Variants in METTL24 observed in about 807,000 individuals in gnomAD.
The protein encoded by METTL24 is methyltransferase like 24, also known as probable methyltransferase-like protein 24.
METTL24 carries 29 observed loss-of-function variants against 32.7 expected under a neutral mutation model. That is an observed-to-expected ratio of 0.89 (90% CI 0.66 to 1.21). METTL24 has a LOEUF of 1.21. Ranked by LOEUF, METTL24 falls within the 50% of genes most tolerant of loss-of-function variation. The probability of loss-of-function intolerance (pLI) is 0.00; values close to 1 mark genes in which losing one functional copy is unlikely to be tolerated. For missense variants in METTL24, 439 were observed against 468.1 expected (o/e 0.94, Z 0.57); for synonymous variants, 163 against 179.5 (o/e 0.91, Z 0.73).
intron 1 of METTL24, among the ~76,000 whole-genome samples, chr6:110,348,336 A>T (rs573469490): frequency 5.3e-5 from 8 of 152,374 alleles, no homozygotes; most frequent in Admixed American, 3.9e-4. Flanking sequence ...ATATGAGCCC[A>T]TCTTATAGAT....
At chr6:110,287,016 T>C (rs960207146) in intron 4 of METTL24, among the ~76,000 whole-genome samples, 12 of 152,312 alleles carry the variant, frequency 7.9e-5, no homozygotes, top group African/African-American at 2.9e-4. Flanking sequence ...TATATATATG[T>C]ATCTATTCCA....
intron 4 of METTL24, among the ~76,000 whole-genome samples, chr6:110,255,961 CTAATT>C (rs1194352105): frequency 6.6e-6 from 1 of 152,012 alleles, no homozygotes; most frequent in African/African-American, 2.4e-5. Flanking sequence ...AAAGCAAGCA[CTAATT>C]TAGAGGGACA....
intron 4 of METTL24, among the ~76,000 whole-genome samples, chr6:110,298,474 C>A (rs746040178): frequency 6.6e-6 from 1 of 151,844 alleles, no homozygotes; most frequent in African/African-American, 2.4e-5. Flanking sequence ...AGAGCCTAGA[C>A]GTTCAAAATA....
At chr6:110,272,423 C>T (rs57746368) in intron 4 of METTL24, among the ~76,000 whole-genome samples, 26,531 of 152,004 alleles carry the variant, frequency 0.17, 2,801 homozygotes, top group African/African-American at 0.3. Flanking sequence ...ATTGCGCTGC[C>T]ATAAATGTGT....
chr6:110,357,180 T>C (rs144608268), intron 1 of METTL24, among the ~76,000 whole-genome samples: 1 of 152,306 alleles, frequency 6.6e-6, no homozygotes, highest in African/African-American at 2.4e-5. Context: ...CATTTCCATG[T>C]ACGACGCAAA....
At chr6:110,278,148 C>G (rs1172591230) in intron 4 of METTL24, among the ~76,000 whole-genome samples, 1 of 152,120 alleles carries the variant, frequency 6.6e-6, no homozygotes, top group Non-Finnish European at 1.5e-5. Context: ...TCTTTCAGGC[C>G]AAGGTAATTA....
Position 110,246,160 on chromosome 6 carries a change from TCAAAGA to T in METTL24, c.881_886del (p.Ile294_Glu296delinsLys). 6.2e-7 allele frequency: 1 copy of T among 1,614,176 alleles called. No individual in the cohort carries two copies. The highest frequency in any genetic ancestry group is 8.5e-7 in the Non-Finnish European group (1 of 1,180,034). On this transcript the variant is annotated inframe_deletion, in exon 5 of 5. Coordinates refer to ENST00000338882, the MANE Select transcript of METTL24 (RefSeq NM_001123364.3). The stretch of plus-strand genomic sequence containing the variant: ...AAACCCAGGCCAGTGGAGATGGATC[TCAAAGA>T]TGAGCTGTCCAATCTGCTCAAGAAC...
chr6:110,246,408 A>G lies in METTL24; in HGVS notation c.787-148T>C. On this transcript the variant is annotated intron_variant, in intron 4 of 4. Coordinates refer to ENST00000338882, the MANE Select transcript of METTL24 (RefSeq NM_001123364.3). Reference sequence around the variant, plus strand: ...TTTCAAGTGGCCATTTGCATTTATGACATGAATTTCTAACCCCATTCCCTA... The same window carrying G: ...TTTCAAGTGGCCATTTGCATTTATGGCATGAATTTCTAACCCCATTCCCTA... 3.0e-6 allele frequency: 2 copies of G among 676,890 alleles called. 1 individual carries two copies. Among genetic ancestry groups the G allele is most frequent in the South Asian group, 4.1e-5 (2 of 48,960 alleles). 41.9% of individuals were successfully genotyped at this position (676,890 alleles called of 1,614,324 possible).
At chr6:110,256,840 TA>T in intron 4 of METTL24, among the ~76,000 whole-genome samples, 1 of 152,364 alleles carries the variant, frequency 6.6e-6, no homozygotes, top group Non-Finnish European at 1.5e-5. Flanking sequence ...AAAATGCCAC[TA>T]AAACCTTTCT....
At chr6:110,349,435 C>A (rs545674130) in intron 1 of METTL24, among the ~76,000 whole-genome samples, 2 of 151,208 alleles carry the variant, frequency 1.3e-5, no homozygotes, top group African/African-American at 4.9e-5. Context: ...AGAGCAGCAC[C>A]CCACACCCGC....
chr6:110,249,325 A>G (rs1778229862), intron 4 of METTL24, among the ~76,000 whole-genome samples: 1 of 152,042 alleles, frequency 6.6e-6, no homozygotes, highest in African/African-American at 2.4e-5. Context: ...TCTAAAGAGC[A>G]AAAAGTATTT....
chr6:110,312,498 T>C (rs1437896095), intron 3 of METTL24, among the ~76,000 whole-genome samples: 2 of 152,182 alleles, frequency 1.3e-5, no homozygotes, highest in African/African-American at 2.4e-5. Flanking sequence ...ATATACACAA[T>C]GGAATACTAT....
intron 1 of METTL24, among the ~76,000 whole-genome samples, chr6:110,336,092 A>T (rs1015427572): frequency 3.9e-5 from 6 of 152,236 alleles, no homozygotes; most frequent in Non-Finnish European, 7.3e-5. Flanking sequence ...GATACAGAAC[A>T]CACTAAAAAG....
intron 1 of METTL24, among the ~76,000 whole-genome samples, chr6:110,341,488 C>T (rs935243375): frequency 6.6e-6 from 1 of 152,052 alleles, no homozygotes; most frequent in Non-Finnish European, 1.5e-5. Flanking sequence ...AAGGACATGC[C>T]CTATCCTAAT....
Position 110,300,456 on chromosome 6 carries a change from C to T in METTL24, c.558-1306G>A, listed in dbSNP as rs375349165. On this transcript the variant is annotated intron_variant, in intron 3 of 4. Transcript: ENST00000338882. ...TTTTTTTTTAGATGGAGTCTGGCTC[C>T]ATCACCCAGGCCGGAGCATAGTGGC... Among the ~76,000 whole-genome samples the T allele has an allele frequency of 6.1e-5, 9 of 148,380 alleles. No individual in the cohort carries two copies. In the South Asian group the frequency reaches 1.7e-3, roughly 28 times the overall value.
intron 4 of METTL24, among the ~76,000 whole-genome samples, chr6:110,248,264 G>A (rs1184665671): frequency 6.6e-6 from 1 of 152,166 alleles, no homozygotes; most frequent in Non-Finnish European, 1.5e-5. Flanking sequence ...TTTCTTTATA[G>A]CAACACAAGA....
intron 1 of METTL24, among the ~76,000 whole-genome samples, chr6:110,323,414 C>G (rs9689315): frequency 0.023 from 3,440 of 152,250 alleles, 146 homozygotes; most frequent in African/African-American, 0.079. Flanking sequence ...GCGAGGACCC[C>G]AGAACTGTCA....
At chr6:110,292,145 G>A (rs1771332443) in intron 4 of METTL24, among the ~76,000 whole-genome samples, 1 of 152,162 alleles carries the variant, frequency 6.6e-6, no homozygotes, top group South Asian at 2.1e-4. Context: ...CCACAATGGT[G>A]GCTATGCAGA....
At chr6:110,258,816 ACACAC>A (rs1431417160) in intron 4 of METTL24, among the ~76,000 whole-genome samples, 2 of 151,922 alleles carry the variant, frequency 1.3e-5, no homozygotes, top group African/African-American at 2.4e-5. Flanking sequence ...ACACACACAC[ACACAC>A]AACAAAACAA....
Sources: allele counts gnomAD v4.1 joint callset (sites outside exome capture counted in the v4.1 genomes callset), GRCh38; gene constraint gnomAD v4.1.1; transcripts MANE v1.5; gene names NCBI Gene and HGNC (gene_info 2026-07-23, HGNC 2026-07-21).